The following TCERG1L variants were observed in gnomAD, a reference collection of about 807,000 sequenced individuals.
The protein encoded by TCERG1L is transcription elongation regulator 1 like.
A neutral mutation model predicts 56.3 loss-of-function variants in TCERG1L; 37 were observed. The ratio of observed to expected loss-of-function variants is 0.66; its 90% CI spans 0.51 to 0.87. The LOEUF is 0.87. Among genes scored for constraint, TCERG1L ranks in the 40% least tolerant of loss-of-function variants. The pLI is 0.00. For missense variants in TCERG1L, 799 were observed against 774.2 expected, an observed-to-expected ratio of 1.03 and a Z score of -0.38; for synonymous variants, 324 against 326.3, an observed-to-expected ratio of 0.99 and a Z score of 0.08.
At chr10:131,114,923 AT>A (rs1183155277) in intron 9 of TCERG1L, among the ~76,000 whole-genome samples, 2 of 152,244 alleles carry the variant, frequency 1.3e-5, no homozygotes, top group Non-Finnish European at 2.9e-5. Flanking sequence ...GGCCAGGCCT[AT>A]TCAGAAACTC....
chr10:131,181,333 CG>C (rs900789672), intron 4 of TCERG1L, among the ~76,000 whole-genome samples: 21 of 152,282 alleles, frequency 1.4e-4, no homozygotes, highest in Admixed American at 4.6e-4. Context: ...ACCAGGGGCC[CG>C]GGGGTGTCTG....
At chr10:131,274,054 G>A (rs1456210992) in intron 3 of TCERG1L, among the ~76,000 whole-genome samples, 1 of 152,082 alleles carries the variant, frequency 6.6e-6, no homozygotes, top group Non-Finnish European at 1.5e-5. Context: ...GGCGTGTGAT[G>A]GAAGCACCAC....
Position 131,198,615 on chromosome 10 carries a change from G to A in TCERG1L, c.857-31730C>T, listed in dbSNP as rs551901922. On this transcript the variant is annotated intron_variant, in intron 4 of 11. Transcript: ENST00000368642. ...TGGCTGCCCCCTCCCATGCAGCGGT[G>A]CTGGAGCGGCCCCACAGCTGCTCTC... Among the ~76,000 whole-genome samples the A allele has an allele frequency of 9.8e-5, 15 of 152,352 alleles. No homozygotes were observed. In the East Asian group the frequency reaches 2.3e-3, roughly 24 times the overall value.
intron 6 of TCERG1L, among the ~76,000 whole-genome samples, chr10:131,159,012 C>T (rs923494097): frequency 6.6e-6 from 1 of 152,236 alleles, no homozygotes; most frequent in East Asian, 1.9e-4. Context: ...CACCATCCTT[C>T]CCACCCACTT....
At chr10:131,115,140 CCGATATA>C (rs1845444086) in intron 9 of TCERG1L, among the ~76,000 whole-genome samples, 1 of 152,246 alleles carries the variant, frequency 6.6e-6, no homozygotes, top group Admixed American at 6.5e-5. Context: ...AGGGCATGTG[CCGATATA>C]GGCAAGTTTC....
Position 131,103,448 on chromosome 10 carries a change from T to G in TCERG1L, c.1485+817A>C, listed in dbSNP as rs548874348. 6.6e-6 allele frequency among the ~76,000 whole-genome samples: 1 copy of G among 152,264 alleles called. No individual in the cohort carries two copies. The highest frequency in any genetic ancestry group is 2.1e-4 in the South Asian group (1 of 4,818). On this transcript the variant is annotated intron_variant, in intron 10 of 11. Coordinates refer to ENST00000368642, the MANE Select transcript of TCERG1L (RefSeq NM_174937.4). This position sits in a 1 kb window ranked among gnomAD's most constrained non-coding sequence, Gnocchi z 4.3. ...GCTCACGCCTGTAATCCCAACACTT[T>G]GGGAGCCCAAGGTGGAAGGATTGCT...
intron 7 of TCERG1L, among the ~76,000 whole-genome samples, chr10:131,134,813 C>T (rs76418133): frequency 0.03 from 4,613 of 152,164 alleles, 91 homozygotes; most frequent in Non-Finnish European, 0.04. Flanking sequence ...ACCATGAGAC[C>T]GGGGCCACCT....
intron 3 of TCERG1L, among the ~76,000 whole-genome samples, chr10:131,288,684 G>A (rs898565158): frequency 6.6e-6 from 1 of 152,200 alleles, no homozygotes; most frequent in Admixed American, 6.5e-5. Flanking sequence ...CTGGATGAGA[G>A]AGGGCCTTAC....
intron 8 of TCERG1L, among the ~76,000 whole-genome samples, chr10:131,128,224 AG>A: frequency 6.6e-6 from 1 of 152,336 alleles, no homozygotes; most frequent in East Asian, 1.9e-4. Context: ...TAGAAGGAAT[AG>A]AAAGTGGGAA....
chr10:131,256,992 G>GGAAGAAAGAAAGAAA (rs1846173015), intron 4 of TCERG1L, among the ~76,000 whole-genome samples: 10 of 59,170 alleles, frequency 1.7e-4, no homozygotes, highest in African/African-American at 5.0e-4. Context: ...AAGGAAGGAA[G>GGAAGAAAGAAAGAAA]GAAAGAAAGA....
At chr10:131,132,267 G>A (rs894414715) in intron 8 of TCERG1L, among the ~76,000 whole-genome samples, 3 of 152,158 alleles carry the variant, frequency 2.0e-5, no homozygotes, top group Non-Finnish European at 2.9e-5. Context: ...CAGCCTCCCC[G>A]AGAGTCTTCC....
chr10:131,152,996 G>A (rs1845881800), intron 6 of TCERG1L, among the ~76,000 whole-genome samples: 1 of 152,182 alleles, frequency 6.6e-6, no homozygotes, highest in South Asian at 2.1e-4. Context: ...GACACATGGG[G>A]ATTATGGGGA....
intron 7 of TCERG1L, among the ~76,000 whole-genome samples, chr10:131,144,482 T>G (rs905589072): frequency 1.3e-5 from 2 of 151,968 alleles, no homozygotes; most frequent in African/African-American, 4.8e-5. Flanking sequence ...GCTCTCTGAG[T>G]GCATTTTCGG....
intron 4 of TCERG1L, among the ~76,000 whole-genome samples, chr10:131,168,567 G>A (rs957432070): frequency 6.6e-5 from 10 of 152,326 alleles, no homozygotes; most frequent in South Asian, 6.2e-4. Flanking sequence ...ATCCCCGGAG[G>A]TGCTGAGTTC....
chr10:131,178,296 C>T (rs929963114), intron 4 of TCERG1L, among the ~76,000 whole-genome samples: 3 of 152,152 alleles, frequency 2.0e-5, no homozygotes. Context: ...ACAAGGAAGC[C>T]GACTAGCGCG....
chr10:131,205,720 C>T (rs1489628784), intron 4 of TCERG1L, among the ~76,000 whole-genome samples: 1 of 152,246 alleles, frequency 6.6e-6, no homozygotes, highest in Non-Finnish European at 1.5e-5. Flanking sequence ...TCCGCAGCCA[C>T]CTTGCTGAGG....
intron 7 of TCERG1L, among the ~76,000 whole-genome samples, chr10:131,141,697 C>A (rs1488934665): frequency 6.6e-6 from 1 of 151,944 alleles, no homozygotes; most frequent in Non-Finnish European, 1.5e-5. Context: ...CTTTCCTTTG[C>A]TCCTGGCCCT....
At chr10:131,247,590 G>A (rs1490168176) in intron 4 of TCERG1L, among the ~76,000 whole-genome samples, 2 of 152,168 alleles carry the variant, frequency 1.3e-5, no homozygotes, top group African/African-American at 4.8e-5. Context: ...AGAAGGACAA[G>A]ATAGAACACA....
In TCERG1L at chr10:131,241,472, G is replaced by A. The variant is rs912118659; in HGVS notation, c.856+18787C>T. Among the ~76,000 whole-genome samples, 10 of 152,012 alleles carry A rather than the reference G, an allele frequency of 6.6e-5. No homozygotes were observed. In the East Asian group the frequency reaches 7.7e-4, roughly 12 times the overall value. On this transcript the variant is annotated intron_variant, in intron 4 of 11. Coordinates refer to ENST00000368642, the MANE Select transcript of TCERG1L (RefSeq NM_174937.4). ...GTGACATGCAACGCATCGTCCATAC[G>A]CAACATGAACACAGGGGATAGCGCA...
Sources: gnomAD v4.1 joint callset for allele counts (sites outside exome capture counted in the v4.1 genomes callset) on GRCh38, gnomAD v4.1.1 for gene constraint, Gnocchi (gnomAD v3.1) non-coding constraint, MANE v1.5 for transcripts, NCBI Gene and HGNC (gene_info 2026-07-23, HGNC 2026-07-21) for gene names.